The following ALG8 variants were observed in gnomAD, a reference collection of about 807,000 sequenced individuals.
The protein encoded by ALG8 is ALG8 alpha-1,3-glucosyltransferase, also known as dolichyl pyrophosphate Glc1Man9GlcNAc2 alpha-1,3-glucosyltransferase.
ALG8 carries 48 observed loss-of-function variants against 70.2 expected under a neutral mutation model. That is an observed-to-expected ratio of 0.68 (90% CI 0.54 to 0.87). ALG8 has a LOEUF of 0.87. Among genes scored for constraint, ALG8 ranks in the 40% least tolerant of loss-of-function variants. The pLI is 0.00. For missense variants in ALG8, 572 were observed against 608.7 expected, an observed-to-expected ratio of 0.94 and a Z score of 0.64; for synonymous variants, 234 against 229.0, an observed-to-expected ratio of 1.02 and a Z score of -0.20.
At chr11:78,105,835 A>G (rs1176429460) in intron 10 of ALG8, among the ~76,000 whole-genome samples, 1 of 151,932 alleles carries the variant, frequency 6.6e-6, no homozygotes, top group African/African-American at 2.4e-5. Context: ...CAGCCTCCCA[A>G]GTAGCTGGGA....
intron 5 of ALG8, among the ~76,000 whole-genome samples, chr11:78,118,095 A>G (rs1860661216): frequency 6.6e-6 from 1 of 151,766 alleles, no homozygotes; most frequent in Non-Finnish European, 1.5e-5. Context: ...AGAAAAAAAA[A>G]TACATGGAAT....
At chr11:78,118,693 C>T (rs924187073) in intron 5 of ALG8, among the ~76,000 whole-genome samples, 5 of 151,492 alleles carry the variant, frequency 3.3e-5, no homozygotes, top group African/African-American at 1.2e-4. Context: ...CTTATAATTC[C>T]AGCACTTTGG....
intron 1 of ALG8, among the ~76,000 whole-genome samples, chr11:78,136,292 G>A (rs1303390191): frequency 6.7e-6 from 1 of 149,448 alleles, no homozygotes; most frequent in Non-Finnish European, 1.5e-5. Context: ...GTGACACCTC[G>A]TCTCTACCAA....
intron 10 of ALG8, 184 bp from the exon 11 acceptor site, chr11:78,104,637 A>G: frequency 1.7e-6 from 1 of 580,408 alleles, no homozygotes; most frequent in South Asian, 2.0e-5. Flanking sequence ...AATCAATAGC[A>G]TGTATCAAAC....
chr11:78,122,636 C>T (rs1459646938), intron 3 of ALG8, among the ~76,000 whole-genome samples: 3 of 152,286 alleles, frequency 2.0e-5, no homozygotes, highest in South Asian at 4.1e-4. Flanking sequence ...GACACTATGC[C>T]TGGCCTTTCA....
chr11:78,104,553 TAGA>T (rs1859935794), intron 10 of ALG8, 100 bp from the exon 11 acceptor site: 3 of 1,065,512 alleles, frequency 2.8e-6, no homozygotes, highest in Non-Finnish European at 4.1e-6. Flanking sequence ...GGCTGAGGCA[TAGA>T]AGAACATGCT....
chr11:78,108,900 A>C (rs147791960), intron 9 of ALG8, among the ~76,000 whole-genome samples: 13 of 152,332 alleles, frequency 8.5e-5, no homozygotes, highest in South Asian at 2.1e-4. Flanking sequence ...AGGTCACTGC[A>C]ATCACTAATG....
chr11:78,114,241 T>G, intron 6 of ALG8, 25 bp downstream of exon 6: 1 of 1,613,788 alleles, frequency 6.2e-7, no homozygotes, highest in Non-Finnish European at 8.5e-7. Flanking sequence ...TCGAAAATGT[T>G]TTTGCTATTA....
intron 8 of ALG8, chr11:78,112,415 G>A (rs1860330185): frequency 2.1e-6 from 1 of 485,022 alleles, no homozygotes; most frequent in African/African-American, 2.0e-5. Context: ...TTTTTCCCCA[G>A]GAAAGGATCA....
intron 2 of ALG8, among the ~76,000 whole-genome samples, chr11:78,126,719 T>C (rs1437736220): frequency 6.6e-6 from 1 of 152,140 alleles, no homozygotes; most frequent in Non-Finnish European, 1.5e-5. Context: ...AATCCTCATG[T>C]GCCAGATGAG....
intron 8 of ALG8, 99 bp from the exon 9 acceptor site, chr11:78,109,680 A>G (rs1431678404): frequency 1.6e-5 from 19 of 1,180,366 alleles, no homozygotes; most frequent in Non-Finnish European, 2.1e-5. Context: ...GTAAGCTACT[A>G]AATCTTATTG....
intron 12 of ALG8, chr11:78,103,496 C>T (rs962946854): frequency 1.3e-5 from 2 of 152,084 alleles, no homozygotes; most frequent in South Asian, 2.1e-4. Flanking sequence ...GGCATGGTGG[C>T]GCATGCCTGT....
At chr11:78,139,401 C>T in intron 1 of ALG8, 93 bp downstream of exon 1, 3 of 1,262,882 alleles carry the variant, frequency 2.4e-6, no homozygotes, top group East Asian at 2.5e-5. Context: ...CTAAAGTTTT[C>T]TCTTCATACC....
At chr11:78,128,866 G>A (rs73501281) in intron 1 of ALG8, among the ~76,000 whole-genome samples, 32,852 of 150,762 alleles carry the variant, frequency 0.22, 4,388 homozygotes, top group African/African-American at 0.38. Flanking sequence ...AGCCTGCCTC[G>A]GCCTCCCAAA....
chr11:78,119,329 C>A, intron 4 of ALG8, 80 bp from the exon 5 acceptor site: 1 of 1,030,916 alleles, frequency 9.7e-7, no homozygotes, highest in East Asian at 2.4e-5. Context: ...ATAGAAATTC[C>A]AAATGCTTTA....
At chr11:78,108,809 AC>A (rs1860155472) in intron 9 of ALG8, among the ~76,000 whole-genome samples, 1 of 152,228 alleles carries the variant, frequency 6.6e-6, no homozygotes, top group South Asian at 2.1e-4. Flanking sequence ...ACATTCAGAA[AC>A]CAAAATTAAA....
At chr11:78,128,337 CCACT>C (rs1861166788) in intron 1 of ALG8, among the ~76,000 whole-genome samples, 1 of 152,164 alleles carries the variant, frequency 6.6e-6, no homozygotes, top group African/African-American at 2.4e-5. Context: ...TGCTGAATAT[CCACT>C]CACCAAAGTG....
Position 78,114,401 on chromosome 11 carries a change from T to C in ALG8, c.547-9A>G. 1 of 1,613,594 alleles carries C rather than the reference T, an allele frequency of 6.2e-7. No individual in the cohort carries two copies. The highest frequency in any genetic ancestry group is 1.7e-4 in the Middle Eastern group (1 of 6,060). Reference sequence around the variant, plus strand: ...CCTTCCATATGCCTTTTCTAGGAGATTTAAAAGGGAAATATCACTTTAAAA... The same window carrying C: ...CCTTCCATATGCCTTTTCTAGGAGACTTAAAAGGGAAATATCACTTTAAAA... On this transcript the variant is annotated splice_polypyrimidine_tract_variant and intron_variant, in intron 5 of 12. Coordinates refer to ENST00000299626, the MANE Select transcript of ALG8 (RefSeq NM_024079.5).
At chr11:78,115,872 C>G (rs891759609) in intron 5 of ALG8, among the ~76,000 whole-genome samples, 5 of 152,158 alleles carry the variant, frequency 3.3e-5, no homozygotes, top group African/African-American at 1.2e-4. Flanking sequence ...TTCAGAATAG[C>G]TGGAGTTGAT....
Sources: gnomAD v4.1 joint callset for allele counts (sites outside exome capture counted in the v4.1 genomes callset) on GRCh38, gnomAD v4.1.1 for gene constraint, MANE v1.5 for transcripts, NCBI Gene and HGNC (gene_info 2026-07-23, HGNC 2026-07-21) for gene names.